The following KYAT3 variants were observed in gnomAD, a reference collection of about 807,000 sequenced individuals.
KYAT3 encodes the protein kynurenine aminotransferase 3.
KYAT3 carries 50 observed loss-of-function variants against 59.0 expected under a neutral mutation model. That is an observed-to-expected ratio of 0.85 (90% CI 0.68 to 1.07). KYAT3 has a LOEUF of 1.07. Ranked by LOEUF, KYAT3 falls within the 50% of genes least tolerant of loss-of-function variation. The pLI, the probability that KYAT3 is intolerant of heterozygous loss-of-function variation, is 0.00. For missense variants in KYAT3, 497 were observed against 533.3 expected, an observed-to-expected ratio of 0.93 and a Z score of 0.67; for synonymous variants, 148 against 177.0, an observed-to-expected ratio of 0.84 and a Z score of 1.30.
intron 4 of KYAT3, among the ~76,000 whole-genome samples, chr1:88,968,013 C>T (rs1262554878): frequency 6.6e-6 from 1 of 152,116 alleles, no homozygotes; most frequent in Non-Finnish European, 1.5e-5. Flanking sequence ...CCCTGTGACA[C>T]AGGTAAGTTT....
chr1:88,935,606 G>A (rs949138110), downstream of KYAT3, among the ~76,000 whole-genome samples: 1 of 152,128 alleles, frequency 6.6e-6, no homozygotes, highest in Non-Finnish European at 1.5e-5. Context: ...TGGACCTGAA[G>A]CCACCGCAAA....
Position 88,942,118 on chromosome 1 carries a change from T to C in KYAT3, c.1302+887A>G, listed in dbSNP as rs115341011. The stretch of plus-strand genomic sequence containing the variant: ...GGTTCTGTTCACTCTTTAAAAATAA[T>C]ATTTCTCCTTTTTTCAGATTGGATA... On this transcript the variant is annotated intron_variant, in intron 13 of 13. Transcript: ENST00000260508. 4.1e-3 allele frequency among the ~76,000 whole-genome samples: 617 copies of C among 152,324 alleles called. 4 individuals are homozygous for C. Among genetic ancestry groups the C allele is most frequent in the African/African-American group, 0.014 (587 of 41,580 alleles).
intron 4 of KYAT3, among the ~76,000 whole-genome samples, chr1:88,967,351 C>T (rs749409919): frequency 5.3e-5 from 8 of 151,938 alleles, no homozygotes; most frequent in Non-Finnish European, 7.4e-5. Context: ...AAAAGTTTTT[C>T]ATCCTGCTCC....
intron 5 of KYAT3, chr1:88,964,570 A>G: frequency 2.6e-6 from 1 of 382,016 alleles, no homozygotes; most frequent in Non-Finnish European, 4.9e-6. Flanking sequence ...GGGAGAATAT[A>G]GACTCTGAAG....
chr1:88,966,801 C>T (rs1401931857), intron 4 of KYAT3, among the ~76,000 whole-genome samples: 1 of 152,082 alleles, frequency 6.6e-6, no homozygotes, highest in African/African-American at 2.4e-5. Flanking sequence ...ATTATGTGCA[C>T]TACAGGTGTA....
intron 5 of KYAT3, among the ~76,000 whole-genome samples, chr1:88,963,853 G>T (rs979139669): frequency 1.3e-5 from 2 of 152,214 alleles, no homozygotes; most frequent in African/African-American, 2.4e-5. Context: ...AGTTGCAAAA[G>T]TTGGTCATAC....
At chr1:88,988,135 T>C (rs1677577089) in intron 2 of KYAT3, 117 bp downstream of exon 2, 2 of 640,804 alleles carry the variant, frequency 3.1e-6, no homozygotes, top group East Asian at 2.9e-5. Flanking sequence ...CTTCAGCATA[T>C]GTAATAGAAA....
At position 88,974,469 on chromosome 1, in the gene KYAT3, C is replaced by CTTT. The variant is rs71084932; in HGVS notation, c.100-5005_100-5003dup. Among the ~76,000 whole-genome samples the CTTT allele has an allele frequency of 8.7e-3, 606 of 69,672 alleles. 4 individuals are homozygous for CTTT. Among genetic ancestry groups the CTTT allele is most frequent in the Non-Finnish European group, 0.012 (455 of 39,464 alleles). The allele number at this position is 69,672 out of a possible 152,430, so 45.7% of individuals were successfully genotyped here. A position where few individuals can be genotyped will look rare whatever the true frequency, so the allele number is the denominator to read the frequency against. ...TTGCAATGCATTTTGGTGTCTCTCT[C>CTTT]TTTTTTTTTTTTTTTTTTTTTTTTG... On this transcript the variant is annotated intron_variant, in intron 2 of 13. Coordinates refer to ENST00000260508, the MANE Select transcript of KYAT3 (RefSeq NM_001008661.3).
At chr1:88,942,137 T>C (rs985163409) in intron 13 of KYAT3, among the ~76,000 whole-genome samples, 1 of 152,196 alleles carries the variant, frequency 6.6e-6, no homozygotes, top group African/African-American at 2.4e-5. Context: ...TTTTTTCAGA[T>C]TGGATAATTT....
the KYAT3 span, among the ~76,000 whole-genome samples, chr1:88,922,146 A>T: frequency 8.5e-5 from 13 of 152,176 alleles, no homozygotes; most frequent in Admixed American, 8.5e-4. Flanking sequence ...CAGGAGGTCA[A>T]GACTGCAGTG....
intron 13 of KYAT3, among the ~76,000 whole-genome samples, chr1:88,940,712 G>C (rs1428087199): frequency 6.6e-6 from 1 of 152,186 alleles, no homozygotes. Flanking sequence ...AAAATGACAG[G>C]AGTAAATGAG....
intron 1 of KYAT3, among the ~76,000 whole-genome samples, chr1:88,990,697 T>C (rs1677742965): frequency 6.6e-6 from 1 of 152,210 alleles, no homozygotes; most frequent in African/African-American, 2.4e-5. Flanking sequence ...AATCTCATTG[T>C]GTAAGGAACT....
At chr1:88,957,940 T>A (rs2038905) in intron 8 of KYAT3, among the ~76,000 whole-genome samples, 43,341 of 152,138 alleles carry the variant, frequency 0.28, 7,537 homozygotes, top group Non-Finnish European at 0.38. Flanking sequence ...TGATAACATT[T>A]TGGTGTATTA....
intron 2 of KYAT3, chr1:88,982,559 C>T (rs566202758): frequency 1.4e-6 from 2 of 1,467,038 alleles, no homozygotes. Flanking sequence ...CACAATTTTT[C>T]CTTTTAGTAG....
chr1:88,950,318 AG>A (rs1012307724), intron 10 of KYAT3, among the ~76,000 whole-genome samples: 1 of 152,202 alleles, frequency 6.6e-6, no homozygotes, highest in African/African-American at 2.4e-5. Context: ...GCAGTAAAAC[AG>A]AATTAGTAAT....
chr1:88,967,890 T>C (rs1261767136), intron 4 of KYAT3, among the ~76,000 whole-genome samples: 1 of 152,200 alleles, frequency 6.6e-6, no homozygotes, highest in Non-Finnish European at 1.5e-5. Context: ...CCTTTCATTA[T>C]GGATTTGTAT....
Position 88,943,348 on chromosome 1 carries a change from A to G in KYAT3, c.1215+2T>C, listed in dbSNP as rs774744076. ...AATCTTGCAAAGAACAATAAACATT[A>G]CCTTATGTTTAGTCATCCATTTCAC... On this transcript the variant is annotated splice_donor_variant, in intron 12 of 13. Transcript: ENST00000260508. LOFTEE classifies it high-confidence loss of function. The G allele has an allele frequency of 4.7e-6, 7 of 1,485,080 alleles. No homozygotes were observed. In the South Asian group the frequency reaches 8.3e-5, roughly 18 times the overall value. 92.0% of individuals were successfully genotyped at this position (1,485,080 alleles called of 1,614,324 possible).
chr1:88,950,497 C>CT (rs567480434), intron 10 of KYAT3, among the ~76,000 whole-genome samples: 197 of 145,394 alleles, frequency 1.4e-3, no homozygotes, highest in Middle Eastern at 0.011. Flanking sequence ...TTAGCTATAT[C>CT]TTTTTTTTTT....
chr1:88,945,441 T>C (rs1675402707), intron 11 of KYAT3, among the ~76,000 whole-genome samples: 1 of 152,236 alleles, frequency 6.6e-6, no homozygotes, highest in Non-Finnish European at 1.5e-5. Flanking sequence ...TTTGAAATCT[T>C]GTCTTCTAAT....
Sources: allele counts gnomAD v4.1 joint callset (sites outside exome capture counted in the v4.1 genomes callset), GRCh38; gene constraint gnomAD v4.1.1; transcripts MANE v1.5; gene names NCBI Gene and HGNC (gene_info 2026-07-23, HGNC 2026-07-21).